The following BTBD9 variants were observed in gnomAD, a reference collection of about 807,000 sequenced individuals.
BTBD9 encodes BTB domain containing 9.
BTBD9 carries 49 observed loss-of-function variants against 64.3 expected under a neutral mutation model. The observed-to-expected ratio is 0.76, with a 90% CI of 0.61 to 0.97. The LOEUF (loss-of-function observed/expected upper bound fraction) is 0.97, where lower values mean the gene tolerates loss of function less well. BTBD9 is among the 50% of genes least tolerant of loss of function. The pLI is 0.00. For missense variants in BTBD9, 598 were observed against 762.1 expected (o/e 0.78, Z 2.53); for synonymous variants, 260 against 274.7 (o/e 0.95, Z 0.53).
intron 6 of BTBD9, among the ~76,000 whole-genome samples, chr6:38,549,401 T>C (rs1237069212): frequency 6.6e-6 from 1 of 152,196 alleles, no homozygotes; most frequent in East Asian, 1.9e-4. Flanking sequence ...AAATGTGATG[T>C]CTCTAAACTG....
chr6:38,412,006 T>A (rs748016937), intron 6 of BTBD9, among the ~76,000 whole-genome samples: 1 of 152,044 alleles, frequency 6.6e-6, no homozygotes, highest in Non-Finnish European at 1.5e-5. Context: ...CACATATATA[T>A]AAAATAAAAT....
At chr6:38,265,319 T>G (rs1207093193) in intron 8 of BTBD9, among the ~76,000 whole-genome samples, 5 of 152,050 alleles carry the variant, frequency 3.3e-5, no homozygotes, top group Non-Finnish European at 7.4e-5. Context: ...TTATATTTGA[T>G]ATAGTATAAT....
chr6:38,352,735 C>T (rs535728993), intron 6 of BTBD9, among the ~76,000 whole-genome samples: 25 of 152,252 alleles, frequency 1.6e-4, no homozygotes, highest in South Asian at 4.2e-4. Flanking sequence ...TATTAAAAGT[C>T]CTCCCAGGAA....
chr6:38,303,964 T>C (rs2127566018), intron 7 of BTBD9, among the ~76,000 whole-genome samples: 1 of 148,362 alleles, frequency 6.7e-6, no homozygotes, highest in Admixed American at 6.8e-5. Flanking sequence ...TATATATATA[T>C]ATGTGCTGGT....
At chr6:38,540,108 G>A (rs540666758) in intron 6 of BTBD9, among the ~76,000 whole-genome samples, 1 of 152,302 alleles carries the variant, frequency 6.6e-6, no homozygotes, top group South Asian at 2.1e-4. Context: ...ATGGGGCTGA[G>A]ATAGTTTAGG....
intron 1 of BTBD9, among the ~76,000 whole-genome samples, chr6:38,638,394 T>C (rs1475909359): frequency 1.3e-5 from 2 of 152,198 alleles, no homozygotes; most frequent in Non-Finnish European, 2.9e-5. Context: ...TATTAAGTAC[T>C]TGATGGACTG....
intron 9 of BTBD9, among the ~76,000 whole-genome samples, chr6:38,247,059 A>C (rs1021626158): frequency 1.3e-5 from 2 of 152,232 alleles, no homozygotes. Context: ...GAACCAACCC[A>C]AAGTTTTTGT....
intron 9 of BTBD9, among the ~76,000 whole-genome samples, chr6:38,200,728 C>T (rs569454375): frequency 1.4e-4 from 22 of 152,210 alleles, no homozygotes; most frequent in African/African-American, 5.1e-4. Flanking sequence ...AAATAGAAAA[C>T]GTGAACAGAT....
In BTBD9 at chr6:38,611,094, T is replaced by A. The variant is rs1014544975; in HGVS notation, c.-27-12973A>T. Reference sequence around the variant, plus strand: ...ACAATAGGATCCATTTATTTAAATATACGGAATACATGTGAGGATATATAT... The same window carrying A: ...ACAATAGGATCCATTTATTTAAATAAACGGAATACATGTGAGGATATATAT... On this transcript the variant is annotated intron_variant, in intron 1 of 10. Coordinates refer to ENST00000481247, the MANE Select transcript of BTBD9 (RefSeq NM_001099272.2). 2.0e-5 allele frequency among the ~76,000 whole-genome samples: 3 copies of A among 152,104 alleles called. No homozygotes were observed. The East Asian group carries it at 5.8e-4, about 29-fold the overall frequency.
chr6:38,604,581 T>A (rs1777362274), intron 1 of BTBD9, among the ~76,000 whole-genome samples: 1 of 152,186 alleles, frequency 6.6e-6, no homozygotes, highest in Admixed American at 6.5e-5. Context: ...TAGGACCAGA[T>A]AACAAGTAAT....
At position 38,605,882 on chromosome 6, in the gene BTBD9, C is replaced by T. The variant is rs190522870; in HGVS notation, c.-27-7761G>A. Among the ~76,000 whole-genome samples the T allele has an allele frequency of 2.5e-3, 385 of 152,274 alleles. 1 individual carries two copies. Among genetic ancestry groups the T allele is most frequent in the African/African-American group, 8.6e-3 (359 of 41,542 alleles). On this transcript the variant is annotated intron_variant, in intron 1 of 10. Coordinates refer to ENST00000481247, the MANE Select transcript of BTBD9 (RefSeq NM_001099272.2). The stretch of plus-strand genomic sequence containing the variant: ...TGCAAAGTATTGTTCCTGGGTATGT[C>T]TGTGAGGGTGTTGCCAAAGAAGATT...
At chr6:38,287,109 T>TACACACACACAC (rs70981534) in intron 8 of BTBD9, among the ~76,000 whole-genome samples, 3 of 87,000 alleles carry the variant, frequency 3.4e-5, no homozygotes, top group Admixed American at 1.7e-4. Context: ...AAAAAAAATA[T>TACACACACACAC]ACACACACAC....
At chr6:38,500,550 C>T (rs1772150377) in intron 6 of BTBD9, among the ~76,000 whole-genome samples, 1 of 152,222 alleles carries the variant, frequency 6.6e-6, no homozygotes, top group African/African-American at 2.4e-5. Context: ...CACACTTCCA[C>T]TTTTCTCTAA....
chr6:38,483,743 C>T (rs1771269823), intron 6 of BTBD9, among the ~76,000 whole-genome samples: 1 of 152,198 alleles, frequency 6.6e-6, no homozygotes, highest in Non-Finnish European at 1.5e-5. Flanking sequence ...TTTACTCTTG[C>T]TGTTCCCTAG....
intron 6 of BTBD9, among the ~76,000 whole-genome samples, chr6:38,517,549 T>C (rs1221823613): frequency 6.6e-6 from 1 of 152,046 alleles, no homozygotes; most frequent in Non-Finnish European, 1.5e-5. Context: ...GCATCCTGAG[T>C]AGCCACAGAG....
intron 1 of BTBD9, among the ~76,000 whole-genome samples, chr6:38,616,919 G>A (rs769934058): frequency 1.5e-4 from 23 of 152,176 alleles, no homozygotes; most frequent in Non-Finnish European, 4.4e-5. Context: ...AGTGAGACCA[G>A]GAACCCACCA....
At chr6:38,185,893 C>T (rs1220786871) in intron 10 of BTBD9, among the ~76,000 whole-genome samples, 1 of 152,078 alleles carries the variant, frequency 6.6e-6, no homozygotes, top group Non-Finnish European at 1.5e-5. Flanking sequence ...CCCTGCAGCC[C>T]GTTGTATGAG....
At chr6:38,303,931 ACG>A (rs1491245275) in intron 7 of BTBD9, among the ~76,000 whole-genome samples, 1 of 135,732 alleles carries the variant, frequency 7.4e-6, no homozygotes, top group African/African-American at 2.9e-5. Flanking sequence ...ATATATATAC[ACG>A]TGTGTGTGTG....
chr6:38,319,412 A>G (rs1226240983), intron 7 of BTBD9, among the ~76,000 whole-genome samples: 1 of 152,014 alleles, frequency 6.6e-6, no homozygotes. Flanking sequence ...CAAAGCCAGC[A>G]TGTCTTAGAG....
Sources: allele counts gnomAD v4.1 joint callset (sites outside exome capture counted in the v4.1 genomes callset), GRCh38; gene constraint gnomAD v4.1.1; transcripts MANE v1.5; gene names NCBI Gene and HGNC (gene_info 2026-07-23, HGNC 2026-07-21).